The following DMD variants were observed in gnomAD, a reference collection of about 807,000 sequenced individuals.
DMD encodes mutant dystrophin.
DMD carries 63 observed loss-of-function variants against 330.1 expected under a neutral mutation model. The observed-to-expected ratio is 0.19, with a 90% confidence interval of 0.16 to 0.24. The LOEUF is 0.24. Ranked by LOEUF, DMD falls within the 10% of genes least tolerant of loss-of-function variation. DMD has a pLI of 1.00. For synonymous variants in DMD, 1,223 were observed against 959.8 expected (o/e 1.27, Z -5.07); for missense variants, 3,344 against 2,684.1 (o/e 1.25, Z -5.43).
chrX:32,829,463 G>A (rs1429038965), intron 4 of DMD, among the ~76,000 whole-genome samples: 2 of 111,084 alleles, frequency 1.8e-5, no homozygotes, highest in African/African-American at 3.3e-5. Flanking sequence ...GCTGTCATGC[G>A]TCTTTTCTCA....
At chrX:31,194,811 T>C (rs748969656) in intron 67 of DMD, among the ~76,000 whole-genome samples, 6 of 111,985 alleles carry the variant, frequency 5.4e-5, no homozygotes, top group South Asian at 3.7e-4. Flanking sequence ...TTAATGTCAA[T>C]AGTAATGAGT....
intron 59 of DMD, among the ~76,000 whole-genome samples, chrX:31,466,318 G>T: frequency 9.0e-6 from 1 of 110,909 alleles, no homozygotes; most frequent in African/African-American, 3.3e-5. Flanking sequence ...TAGGTTTTAT[G>T]TTTAAGTCTT....
intron 2 of DMD, among the ~76,000 whole-genome samples, chrX:32,991,311 A>G (rs1044024984): frequency 9.0e-6 from 1 of 111,506 alleles, no homozygotes; most frequent in Admixed American, 9.6e-5. Flanking sequence ...AGATGAAAGT[A>G]TTTTGGAGCA....
intron 2 of DMD, among the ~76,000 whole-genome samples, chrX:32,863,016 G>A (rs888196211): frequency 5.4e-5 from 6 of 110,563 alleles, no homozygotes; most frequent in Non-Finnish European, 9.4e-5. Flanking sequence ...AGATTTACAG[G>A]CATGAGCCAC....
chrX:32,201,010 A>C (rs1204761923), intron 44 of DMD, among the ~76,000 whole-genome samples: 1 of 111,801 alleles, frequency 8.9e-6, no homozygotes, highest in South Asian at 3.7e-4. Context: ...TGTTGATGTC[A>C]TATTGTTATG....
At chrX:32,976,911 TA>T (rs755383904) in intron 2 of DMD, among the ~76,000 whole-genome samples, 20 of 111,163 alleles carry the variant, frequency 1.8e-4, no homozygotes, top group African/African-American at 5.9e-4. Context: ...GTAATGGGAG[TA>T]TTACAAAATA....
chrX:31,726,753 A>G (rs1330548582), intron 52 of DMD, among the ~76,000 whole-genome samples: 6 of 112,077 alleles, frequency 5.4e-5, no homozygotes, highest in Non-Finnish European at 1.1e-4. Flanking sequence ...GGCTCCAGGC[A>G]TATTTGGAAC....
chrX:33,270,619 A>G (rs943531495), intron 1 of DMD, among the ~76,000 whole-genome samples: 2 of 112,013 alleles, frequency 1.8e-5, no homozygotes, highest in Admixed American at 9.5e-5. Flanking sequence ...AGAAGAAACT[A>G]GACGGCAGCA....
chrX:33,070,639 A>ATCTCTCTC (rs1291687487), intron 1 of DMD, among the ~76,000 whole-genome samples: 62 of 21,385 alleles, frequency 2.9e-3, no homozygotes, highest in Non-Finnish European at 4.2e-3. Context: ...GTATCTATCC[A>ATCTCTCTC]TCTCTCTCTC....
chrX:32,256,472 C>T (rs1216065275), intron 43 of DMD, among the ~76,000 whole-genome samples: 1 of 110,346 alleles, frequency 9.1e-6, no homozygotes, highest in Non-Finnish European at 1.9e-5. Context: ...TCCAATTTGC[C>T]AGTCTGTGTC....
chrX:31,420,118 T>G (rs1234983749), intron 60 of DMD, among the ~76,000 whole-genome samples: 2 of 112,338 alleles, frequency 1.8e-5, no homozygotes, highest in Non-Finnish European at 3.7e-5. Flanking sequence ...TCTAGAAAGT[T>G]GGGTAAAAAT....
intron 74 of DMD, among the ~76,000 whole-genome samples, chrX:31,162,078 C>T (rs1252969053): frequency 9.0e-6 from 1 of 111,181 alleles, no homozygotes; most frequent in Non-Finnish European, 1.9e-5. Context: ...GCCCCCAGAG[C>T]ACTTGTAACA....
intron 43 of DMD, among the ~76,000 whole-genome samples, chrX:32,262,559 A>G (rs17243354): frequency 0.11 from 11,962 of 111,167 alleles, 648 homozygotes; most frequent in Admixed American, 0.15. Context: ...TACACTACCT[A>G]AATGCATTAC....
chrX:31,875,183 C>G lies in DMD; in HGVS notation c.7098+5G>C. The G allele has an allele frequency of 2.3e-5, 27 of 1,199,500 alleles. No individual in the cohort carries two copies. Among genetic ancestry groups the G allele is most frequent in the Non-Finnish European group, 3.0e-5 (27 of 888,920 alleles). On this transcript the variant is annotated splice_donor_5th_base_variant and intron_variant, in intron 48 of 78. Coordinates refer to ENST00000357033, the MANE Select transcript of DMD (RefSeq NM_004006.3). ...CAAAAATATTTAAAGCAAAAAGTTC[C>G]CTACCTTAACGTCAAATGGTCCTTC...
chrX:31,960,058 C>CT (rs145718474), intron 45 of DMD, among the ~76,000 whole-genome samples: 319 of 102,349 alleles, frequency 3.1e-3, no homozygotes, highest in African/African-American at 7.9e-3. Context: ...CGCATCTGGC[C>CT]TTTTTTTTTT....
At chrX:32,920,552 C>T (rs2088292889) in intron 2 of DMD, among the ~76,000 whole-genome samples, 2 of 111,861 alleles carry the variant, frequency 1.8e-5, no homozygotes, top group African/African-American at 3.2e-5. Flanking sequence ...CTTCTTATCA[C>T]ACATGGGAAA....
chrX:31,587,677 C>T lies in DMD; in HGVS notation c.8217+39996G>A, dbSNP rs766770611. Reference sequence around the variant, plus strand: ...TTTTCTGGGTCAGCTTTGTTAACTCCTCTCACTTAGCTCCATTCTCAATGG... The same window carrying T: ...TTTTCTGGGTCAGCTTTGTTAACTCTTCTCACTTAGCTCCATTCTCAATGG... On this transcript the variant is annotated intron_variant, in intron 55 of 78. Coordinates refer to ENST00000357033, the MANE Select transcript of DMD (RefSeq NM_004006.3). Among the ~76,000 whole-genome samples the T allele has an allele frequency of 3.6e-5, 4 of 111,532 alleles. No homozygotes were observed. In the East Asian group the frequency reaches 1.1e-3, roughly 32 times the overall value.
intron 44 of DMD, among the ~76,000 whole-genome samples, chrX:32,116,210 T>C (rs1423712205): frequency 9.0e-6 from 1 of 111,257 alleles, no homozygotes; most frequent in African/African-American, 3.3e-5. Context: ...CTGGAATGTT[T>C]TTGCCCAAAT....
chrX:31,508,961 T>C (rs927763849), intron 55 of DMD, among the ~76,000 whole-genome samples: 3 of 111,488 alleles, frequency 2.7e-5, no homozygotes, highest in Non-Finnish European at 5.7e-5. Context: ...TGAATGTCTA[T>C]TGTCACTATT....
Sources: allele counts gnomAD v4.1 joint callset (sites outside exome capture counted in the v4.1 genomes callset), GRCh38; gene constraint gnomAD v4.1.1; transcripts MANE v1.5; gene names NCBI Gene and HGNC (gene_info 2026-07-23, HGNC 2026-07-21).